Variants in NDUFA5 observed in about 807,000 individuals in gnomAD.
The protein encoded by NDUFA5 is NADH dehydrogenase [ubiquinone] 1 alpha subcomplex subunit 5.
Under a neutral mutation model 19.8 loss-of-function variants are expected in NDUFA5, and 11 were observed. The ratio of observed to expected loss-of-function variants is 0.56; its 90% CI spans 0.35 to 0.92. The LOEUF (loss-of-function observed/expected upper bound fraction) is 0.92, where lower values mean the gene tolerates loss of function less well. NDUFA5 is among the 40% of genes least tolerant of loss of function. The probability of loss-of-function intolerance (pLI) is 0.01; values close to 1 mark genes in which losing one functional copy is unlikely to be tolerated. For synonymous variants in NDUFA5, 47 were observed against 46.8 expected (o/e 1.00, Z -0.01); for missense variants, 109 against 134.2 (o/e 0.81, Z 0.93).
chr7:123,577,872 G>A, the NDUFA5 span, among the ~76,000 whole-genome samples: 13 of 151,854 alleles, frequency 8.6e-5, no homozygotes, highest in African/African-American at 1.9e-4. Context: ...AATATCAAGC[G>A]TAGTCTTTGC....
the NDUFA5 span, among the ~76,000 whole-genome samples, chr7:123,565,822 G>A: frequency 6.6e-6 from 1 of 152,190 alleles, no homozygotes; most frequent in Non-Finnish European, 1.5e-5. Flanking sequence ...TTTGAGACCA[G>A]TCTGGCCACC....
intron 4 of NDUFA5, among the ~76,000 whole-genome samples, chr7:123,543,123 A>G (rs1291443806): frequency 3.3e-5 from 5 of 152,216 alleles, no homozygotes. Context: ...ATAAAAAACA[A>G]TGAGTTAAAG....
chr7:123,563,493 C>T, the NDUFA5 span, among the ~76,000 whole-genome samples: 22 of 152,162 alleles, frequency 1.4e-4, no homozygotes, highest in African/African-American at 4.8e-4. Context: ...CTCTAAGACA[C>T]TTAATAACAC....
intron 3 of NDUFA5, among the ~76,000 whole-genome samples, chr7:123,547,455 T>C (rs1352972570): frequency 6.6e-6 from 1 of 152,144 alleles, no homozygotes; most frequent in African/African-American, 2.4e-5. Flanking sequence ...AGGAAAGGAT[T>C]TTTATCTGTT....
intron 1 of NDUFA5, 84 bp from the exon 2 acceptor site, chr7:123,557,532 C>G: frequency 6.2e-7 from 1 of 1,611,230 alleles, no homozygotes; most frequent in African/African-American, 1.3e-5. Context: ...AACCACGAAT[C>G]CCCCGGCTAA....
At chr7:123,556,878 T>C (rs1054577016) in intron 2 of NDUFA5, 20 of 513,966 alleles carry the variant, frequency 3.9e-5, no homozygotes, top group Admixed American at 3.0e-4. Flanking sequence ...TTGGAGAAAA[T>C]AGAGATAACT....
rs1369241282 is a variant in NDUFA5, at chr7:123,540,501, T to C, written c.*1618A>G. On this transcript the variant is annotated 3_prime_UTR_variant, in exon 5 of 5. Coordinates refer to ENST00000355749, the MANE Select transcript of NDUFA5 (RefSeq NM_005000.5). ...GTTGGCTAGAAAATTACCTTGAAAG[T>C]ACCCATGCAAACACACTTCAGCATC... The C allele has an allele frequency of 3.3e-5, 5 of 152,218 alleles. No homozygotes were observed. The highest frequency in any genetic ancestry group is 6.5e-5 in the Admixed American group (1 of 15,286). 9.4% of individuals were successfully genotyped at this position (152,218 alleles called of 1,614,324 possible). A position where few individuals can be genotyped will look rare whatever the true frequency, so the allele number is the denominator to read the frequency against.
intron 4 of NDUFA5, 71 bp downstream of exon 4, chr7:123,545,540 C>T: frequency 1.6e-6 from 2 of 1,227,006 alleles, no homozygotes; most frequent in Non-Finnish European, 2.4e-6. Context: ...ATTTAGTTTT[C>T]CTTTCATTCT....
At chr7:123,561,496 A>G (rs1309934824), upstream of NDUFA5, among the ~76,000 whole-genome samples, 1 of 152,132 alleles carries the variant, frequency 6.6e-6, no homozygotes, top group Non-Finnish European at 1.5e-5. Flanking sequence ...TCACATTTGC[A>G]ATGGCTTTTT....
At chr7:123,578,865 A>G in the NDUFA5 span, among the ~76,000 whole-genome samples, 2 of 152,102 alleles carry the variant, frequency 1.3e-5, no homozygotes, top group African/African-American at 2.4e-5. Context: ...GTTTGTCTTC[A>G]TTAACATAAA....
chr7:123,559,588 G>T (rs1001386747), upstream of NDUFA5, among the ~76,000 whole-genome samples: 2 of 152,126 alleles, frequency 1.3e-5, no homozygotes, highest in Non-Finnish European at 2.9e-5. Context: ...TGGGCCTGGT[G>T]GCTCATGCCT....
rs6737 is a variant in NDUFA5 at position 123,541,218 on chromosome 7, C to G, written c.*901G>C. On this transcript the variant is annotated 3_prime_UTR_variant, in exon 5 of 5. Transcript: ENST00000355749. ...AAGATGTTTTGAATATAAGCCTATC[C>G]GTATGCCAGATATAAATTTCAGGAA... 35,558 of 152,014 alleles carry G rather than the reference C, an allele frequency of 0.23. 4,801 individuals carry two copies. Among genetic ancestry groups the G allele is most frequent in the East Asian group, 0.32 (1,678 of 5,174 alleles). 9.4% of individuals were successfully genotyped at this position (152,014 alleles called of 1,614,324 possible).
chr7:123,564,910 CA>C, the NDUFA5 span, among the ~76,000 whole-genome samples: 1 of 151,710 alleles, frequency 6.6e-6, no homozygotes, highest in Non-Finnish European at 1.5e-5. Flanking sequence ...CACACACACA[CA>C]CACACACACA....
At chr7:123,551,913 G>A (rs540151374) in intron 2 of NDUFA5, among the ~76,000 whole-genome samples, 1 of 152,226 alleles carries the variant, frequency 6.6e-6, no homozygotes, top group Non-Finnish European at 1.5e-5. Context: ...TGACAAAAAT[G>A]TATCAGTGTC....
At chr7:123,556,903 G>C (rs1401379148) in intron 2 of NDUFA5, 2 of 506,126 alleles carry the variant, frequency 4.0e-6, no homozygotes, top group South Asian at 2.9e-5. Flanking sequence ...TGAGTTATCT[G>C]TAAAGTGAAG....
At chr7:123,574,153 C>T in the NDUFA5 span, among the ~76,000 whole-genome samples, 10 of 151,778 alleles carry the variant, frequency 6.6e-5, no homozygotes, top group African/African-American at 2.2e-4. Context: ...TCATTTTTGA[C>T]ATCTCTTCTT....
In NDUFA5 at chr7:123,537,877, A is replaced by C. The variant is rs1797800344; in HGVS notation, c.*4242T>G. The C allele has an allele frequency of 3.3e-5, 5 of 152,192 alleles. No homozygotes were observed. In the South Asian group the frequency reaches 1.0e-3, roughly 31 times the overall value. 9.4% of individuals were successfully genotyped at this position (152,192 alleles called of 1,614,324 possible). ...GAAAACCTAATAGATTCACCTAAAA[A>C]AAAATTGAAGATCATGAGAAATACC... On this transcript the variant is annotated 3_prime_UTR_variant, in exon 5 of 5. Transcript: ENST00000355749.
intron 2 of NDUFA5, chr7:123,556,388 C>G (rs1798539652): frequency 6.4e-6 from 1 of 155,058 alleles, no homozygotes; most frequent in African/African-American, 2.4e-5. Context: ...GTATTTAAAA[C>G]CGTTCTCTAT....
Position 123,539,864 on chromosome 7 carries a change from G to C in NDUFA5, c.*2255C>G, listed in dbSNP as rs559424937. The C allele has an allele frequency of 1.3e-5, 2 of 152,174 alleles. No individual in the cohort carries two copies. Among genetic ancestry groups the C allele is most frequent in the Non-Finnish European group, 2.9e-5 (2 of 68,034 alleles). 9.4% of individuals were successfully genotyped at this position (152,174 alleles called of 1,614,324 possible). Reference sequence around the variant, plus strand: ...TTTACAGATAATTTTGACAGAAAAGGTAAAGAGAGCAGGATCTAGTTTCAT... The same window carrying C: ...TTTACAGATAATTTTGACAGAAAAGCTAAAGAGAGCAGGATCTAGTTTCAT... On this transcript the variant is annotated 3_prime_UTR_variant, in exon 5 of 5. Transcript: ENST00000355749.
Sources: allele counts gnomAD v4.1 joint callset (sites outside exome capture counted in the v4.1 genomes callset), GRCh38; gene constraint gnomAD v4.1.1; transcripts MANE v1.5; gene names NCBI Gene and HGNC (gene_info 2026-07-23, HGNC 2026-07-21).